Variants in FARP1 observed in about 807,000 individuals in gnomAD.
FARP1 encodes FERM, ARHGEF and pleckstrin domain-containing protein 1.
Under a neutral mutation model 128.8 loss-of-function variants are expected in FARP1, and 52 were observed. That is an observed-to-expected ratio of 0.40 (90% confidence interval 0.32 to 0.51). The LOEUF is 0.51. FARP1 is among the 20% of genes least tolerant of loss of function. The pLI, the probability that FARP1 is intolerant of heterozygous loss-of-function variation, is 0.45. For missense variants in FARP1, 1,333 were observed against 1,367.9 expected, an observed-to-expected ratio of 0.97 and a Z score of 0.40; for synonymous variants, 580 against 551.8, an observed-to-expected ratio of 1.05 and a Z score of -0.72.
intron 2 of FARP1, among the ~76,000 whole-genome samples, chr13:98,285,926 C>A (rs180791016): frequency 6.6e-6 from 1 of 152,146 alleles, no homozygotes; most frequent in Non-Finnish European, 1.5e-5. Flanking sequence ...CTTCCTGGCC[C>A]GTTTGGGGGT....
intron 21 of FARP1, 71 bp downstream of exon 21, chr13:98,439,267 C>G: frequency 9.7e-7 from 1 of 1,035,536 alleles, no homozygotes; most frequent in Non-Finnish European, 1.5e-6. Flanking sequence ...GCTGACCCGG[C>G]GATGAGGAGG....
chr13:98,364,107 G>A lies in FARP1; in HGVS notation c.277-1288G>A, dbSNP rs146891074. Among the ~76,000 whole-genome samples, 27 of 152,270 alleles carry A rather than the reference G, an allele frequency of 1.8e-4. No homozygotes were observed. In the East Asian group the frequency reaches 5.0e-3, roughly 28 times the overall value. ...GATGTACATTATTCTACTTAATTTA[G>A]GTTACTGTAAAAATGTTTACGATGA... On this transcript the variant is annotated intron_variant, in intron 3 of 26. Coordinates refer to ENST00000319562, the MANE Select transcript of FARP1 (RefSeq NM_005766.4).
At chr13:98,364,732 T>C (rs1415789973) in intron 3 of FARP1, among the ~76,000 whole-genome samples, 1 of 152,198 alleles carries the variant, frequency 6.6e-6, no homozygotes, top group Non-Finnish European at 1.5e-5. Context: ...CCTTGAAAAG[T>C]TCGCTATCCA....
chr13:98,151,811 G>A (rs760186794), intron 1 of FARP1, among the ~76,000 whole-genome samples: 11 of 151,622 alleles, frequency 7.3e-5, no homozygotes, highest in Non-Finnish European at 1.5e-4. Flanking sequence ...ACAGGTGCAC[G>A]CCACCACGCC....
At chr13:98,284,894 G>A (rs1321716986) in intron 2 of FARP1, among the ~76,000 whole-genome samples, 6 of 152,134 alleles carry the variant, frequency 3.9e-5, no homozygotes, top group African/African-American at 1.2e-4. Flanking sequence ...AGTTCTCTGT[G>A]TACGCATTTC....
In FARP1 at chr13:98,363,020, A is replaced by G. The variant is rs1433628204; in HGVS notation, c.277-2375A>G. On this transcript the variant is annotated intron_variant, in intron 3 of 26. Coordinates refer to ENST00000319562, the MANE Select transcript of FARP1 (RefSeq NM_005766.4). ...GTCCTGTCTTGCCTGGACAATTGCC[A>G]ACAGCTCAACCTGCATCCATTCTTG... Among the ~76,000 whole-genome samples the G allele has an allele frequency of 2.0e-5, 3 of 152,220 alleles. No individual in the cohort carries two copies. The South Asian group carries it at 6.2e-4, about 32-fold the overall frequency.
At chr13:98,427,373 C>T (rs1270636658) in intron 17 of FARP1, among the ~76,000 whole-genome samples, 1 of 152,202 alleles carries the variant, frequency 6.6e-6, no homozygotes, top group African/African-American at 2.4e-5. Flanking sequence ...CATCTTTTCC[C>T]TCGTTTCACA....
chr13:98,288,754 G>A (rs966621145), intron 2 of FARP1, among the ~76,000 whole-genome samples: 3 of 152,144 alleles, frequency 2.0e-5, no homozygotes, highest in Admixed American at 1.3e-4. Context: ...GTGTTTGAAC[G>A]AATACACACA....
chr13:98,414,153 G>A lies in FARP1; in HGVS notation c.1826+2119G>A, dbSNP rs532651600. 3.6e-4 allele frequency among the ~76,000 whole-genome samples: 55 copies of A among 152,326 alleles called. No homozygotes were observed. The South Asian group carries it at 7.7e-3, about 21-fold the overall frequency. On this transcript the variant is annotated intron_variant, in intron 16 of 26. Coordinates refer to ENST00000319562, the MANE Select transcript of FARP1 (RefSeq NM_005766.4). ...TACCTTATCTGTGAAAGAGTAGTGAGTTGCTTAAAAAGCAGTTGATATAAT... is the reference window on the plus strand; with the variant it reads ...TACCTTATCTGTGAAAGAGTAGTGAATTGCTTAAAAAGCAGTTGATATAAT...
chr13:98,206,315 C>T (rs183387558), intron 1 of FARP1, among the ~76,000 whole-genome samples: 13 of 152,110 alleles, frequency 8.5e-5, no homozygotes, highest in African/African-American at 1.7e-4. Context: ...CTTGCCTCAG[C>T]GACAGACTGC....
intron 2 of FARP1, among the ~76,000 whole-genome samples, chr13:98,286,554 C>T (rs1885179219): frequency 6.6e-6 from 1 of 152,138 alleles, no homozygotes; most frequent in East Asian, 1.9e-4. Context: ...TGAGACATAC[C>T]TTTCACCTTC....
chr13:98,230,113 C>G (rs1882029823), intron 2 of FARP1, among the ~76,000 whole-genome samples: 1 of 152,094 alleles, frequency 6.6e-6, no homozygotes, highest in African/African-American at 2.4e-5. Flanking sequence ...ACTCCCCTCC[C>G]CTCACCCAAG....
chr13:98,388,996 A>G (rs935170653), intron 9 of FARP1, among the ~76,000 whole-genome samples: 7 of 152,226 alleles, frequency 4.6e-5, no homozygotes, highest in African/African-American at 1.7e-4. Flanking sequence ...AAGGGAGGAG[A>G]AGCCTCTTCT....
intron 4 of FARP1, among the ~76,000 whole-genome samples, chr13:98,367,021 C>G (rs1044771303): frequency 1.6e-4 from 24 of 151,954 alleles, no homozygotes; most frequent in Non-Finnish European, 1.5e-5. Context: ...ATTATAGTAC[C>G]TTATATTTCA....
chr13:98,186,991 CAAAAAAAAAAA>C (rs33992037), intron 1 of FARP1, among the ~76,000 whole-genome samples: 5,720 of 47,954 alleles, frequency 0.12, 230 homozygotes, highest in African/African-American at 0.18. Flanking sequence ...GATTCTGTCT[CAAAAAAAAAAA>C]AAAAAAAAAA....
At chr13:98,230,675 G>T (rs148581213) in intron 2 of FARP1, among the ~76,000 whole-genome samples, 1 of 152,022 alleles carries the variant, frequency 6.6e-6, no homozygotes, top group African/African-American at 2.4e-5. Flanking sequence ...TACATGGTGC[G>T]TGTTCCTCAC....
chr13:98,192,666 C>G (rs1353399307), intron 1 of FARP1, among the ~76,000 whole-genome samples: 1 of 152,154 alleles, frequency 6.6e-6, no homozygotes, highest in Non-Finnish European at 1.5e-5. Flanking sequence ...GCTGGGATTA[C>G]AAGTGTGAGT....
chr13:98,299,289 A>T (rs1392204490), intron 2 of FARP1, among the ~76,000 whole-genome samples: 1 of 152,130 alleles, frequency 6.6e-6, no homozygotes, highest in Non-Finnish European at 1.5e-5. Context: ...TGCTAGAAAC[A>T]ACCTTTTCTC....
At chr13:98,441,666 G>A (rs1204305260) in intron 24 of FARP1, among the ~76,000 whole-genome samples, 1 of 152,196 alleles carries the variant, frequency 6.6e-6, no homozygotes, top group East Asian at 1.9e-4. Flanking sequence ...TACACAGAAC[G>A]GTGGAGAAAG....
Sources: gnomAD v4.1 joint callset for allele counts (sites outside exome capture counted in the v4.1 genomes callset) on GRCh38, gnomAD v4.1.1 for gene constraint, MANE v1.5 for transcripts, NCBI Gene and HGNC (gene_info 2026-07-23, HGNC 2026-07-21) for gene names.